Variants in COPG2 observed in about 807,000 individuals in gnomAD.
The protein encoded by COPG2 is coatomer subunit gamma-2.
COPG2 carries 37 observed loss-of-function variants against 46.3 expected under a neutral mutation model. The observed-to-expected ratio is 0.80, with a 90% CI of 0.61 to 1.05. The LOEUF is 1.05. COPG2 is among the 50% of genes least tolerant of loss of function. COPG2 has a pLI of 0.00. For missense variants in COPG2, 427 were observed against 387.8 expected (o/e 1.10, Z -0.85); for synonymous variants, 159 against 129.7 (o/e 1.23, Z -1.53).
chr7:130,568,514 A>T (rs1793842230), intron 9 of COPG2, among the ~76,000 whole-genome samples: 1 of 152,206 alleles, frequency 6.6e-6, no homozygotes, highest in Non-Finnish European at 1.5e-5. Context: ...AAATATCACA[A>T]TCCTAAATAT....
intron 9 of COPG2, among the ~76,000 whole-genome samples, chr7:130,573,631 T>C (rs908586881): frequency 1.3e-5 from 2 of 152,142 alleles, no homozygotes; most frequent in Admixed American, 1.3e-4. Flanking sequence ...GACAAAAATC[T>C]AACACACATT....
At chr7:130,516,795 T>C (rs1366040519) in intron 20 of COPG2, among the ~76,000 whole-genome samples, 8 of 152,086 alleles carry the variant, frequency 5.3e-5, no homozygotes, top group Non-Finnish European at 8.8e-5. Flanking sequence ...GGAAGCTTTG[T>C]TGGAAAAATG....
At chr7:130,660,638 A>G (rs782498426) in intron 4 of COPG2, among the ~76,000 whole-genome samples, 15 of 152,312 alleles carry the variant, frequency 9.8e-5, no homozygotes, top group Non-Finnish European at 1.8e-4. Flanking sequence ...AATCCCAGTA[A>G]TAAGTATTGG....
intron 11 of COPG2, among the ~76,000 whole-genome samples, chr7:130,562,732 T>C (rs1793738495): frequency 1.3e-5 from 2 of 152,222 alleles, no homozygotes; most frequent in African/African-American, 4.8e-5. Flanking sequence ...ATATTATATG[T>C]ATTATGATAA....
chr7:130,653,864 C>T (rs1314633826), intron 4 of COPG2, among the ~76,000 whole-genome samples: 11 of 151,906 alleles, frequency 7.2e-5, no homozygotes, highest in Non-Finnish European at 1.5e-4. Flanking sequence ...AAAACACACA[C>T]AGAAAGCCAG....
At chr7:130,562,323 C>T (rs1426668854) in intron 11 of COPG2, among the ~76,000 whole-genome samples, 2 of 152,198 alleles carry the variant, frequency 1.3e-5, no homozygotes, top group Non-Finnish European at 2.9e-5. Flanking sequence ...CGTGCCACTG[C>T]ACTCTAGCCT....
intron 5 of COPG2, among the ~76,000 whole-genome samples, chr7:130,622,019 A>G (rs953821387): frequency 9.2e-5 from 14 of 151,874 alleles, no homozygotes; most frequent in African/African-American, 3.1e-4. Flanking sequence ...ATAGCTTGTC[A>G]ACCCATGTTC....
chr7:130,663,099 T>C, intron 3 of COPG2, 61 bp from the exon 4 acceptor site: 2 of 817,808 alleles, frequency 2.4e-6, no homozygotes, highest in Non-Finnish European at 3.7e-6. Flanking sequence ...TATATGTACA[T>C]ATACACACAC....
At chr7:130,564,622 T>C (rs1183836364) in intron 9 of COPG2, 1 of 349,910 alleles carries the variant, frequency 2.9e-6, no homozygotes, top group Non-Finnish European at 5.1e-6. Context: ...TGAACATCTA[T>C]TTAAGAAAAG....
intron 10 of COPG2, among the ~76,000 whole-genome samples, chr7:130,563,568 C>G (rs1793751830): frequency 6.6e-6 from 1 of 151,194 alleles, no homozygotes; most frequent in African/African-American, 2.4e-5. Flanking sequence ...CATTTTATCA[C>G]AGCATCAAAA....
chr7:130,652,366 C>G (rs1423370148), intron 5 of COPG2, among the ~76,000 whole-genome samples: 8 of 152,196 alleles, frequency 5.3e-5, no homozygotes, highest in African/African-American at 1.9e-4. Context: ...TACACAAGTA[C>G]TGAATGCTGC....
Position 130,528,107 on chromosome 7 carries a change from G to C in COPG2, c.2150-19448C>G, listed in dbSNP as rs1000236361. Among the ~76,000 whole-genome samples the C allele has an allele frequency of 3.7e-3, 561 of 152,122 alleles. 7 individuals are homozygous for C. The highest frequency in any genetic ancestry group is 0.012 in the African/African-American group (507 of 41,496). ...AGGAGGAGGGTGGGACTGACAGGAG[G>C]ACCCAGGAGGAGCGGAGGAGCCGGG... On this transcript the variant is annotated intron_variant, in intron 20 of 23. Transcript: ENST00000425248.
Position 130,550,627 on chromosome 7 carries a change from C to G in COPG2, c.1671G>C (p.Gly557=), listed in dbSNP as rs1250272941. Residue 557 remains glycine, a synonymous_variant, in exon 17 of 24, where the codon GGG becomes GGC. Transcript: ENST00000425248. ...IFNGLTVSVP[G]MEKALHQYTL... The stretch of plus-strand genomic sequence containing the variant: ...TGTACTGGTGTAAGGCTTTTTCCAT[C>G]CCTGGTACAGAGACCGTCAAACCTG... 1.3e-5 allele frequency: 5 copies of G among 397,852 alleles called. No individual in the cohort carries two copies. The highest frequency in any genetic ancestry group is 8.2e-5 in the African/African-American group (4 of 48,530). 24.6% of individuals were successfully genotyped at this position (397,852 alleles called of 1,614,324 possible).
intron 20 of COPG2, among the ~76,000 whole-genome samples, chr7:130,538,814 G>T (rs2116368171): frequency 1.3e-5 from 2 of 152,228 alleles, no homozygotes; most frequent in East Asian, 3.9e-4. Context: ...GTTGTCAAGG[G>T]AGCCTGAGAG....
chr7:130,520,130 A>C (rs984573156), intron 20 of COPG2, among the ~76,000 whole-genome samples: 157 of 152,338 alleles, frequency 1.0e-3, no homozygotes, highest in Admixed American at 2.1e-3. Flanking sequence ...CATCCAGAGA[A>C]TAATTCAGCA....
chr7:130,632,633 T>G lies in COPG2; in HGVS notation c.324-15568A>C, dbSNP rs75623836. On this transcript the variant is annotated intron_variant, in intron 5 of 23. Coordinates refer to ENST00000425248, the MANE Select transcript of COPG2 (RefSeq NM_012133.6). ...GCCAGTGAGGCTGTTTATTTTTGTTTTCTTTTTTCTCTCTCTCTTTTCAGT... is the reference window on the plus strand; with the variant it reads ...GCCAGTGAGGCTGTTTATTTTTGTTGTCTTTTTTCTCTCTCTCTTTTCAGT... 6.2e-3 allele frequency among the ~76,000 whole-genome samples: 942 copies of G among 152,284 alleles called. 13 individuals carry two copies. Among genetic ancestry groups the G allele is most frequent in the African/African-American group, 0.021 (891 of 41,558 alleles).
intron 6 of COPG2, 48 bp downstream of exon 6, chr7:130,616,942 G>A: frequency 8.0e-7 from 1 of 1,244,486 alleles, no homozygotes; most frequent in Non-Finnish European, 1.2e-6. Flanking sequence ...GCCACCTGCA[G>A]ATAAACATAG....
chr7:130,563,774 G>GAAAAAAAAAAAAAAAAAAAAAAAA (rs1341758494), intron 10 of COPG2, among the ~76,000 whole-genome samples: 1 of 87,988 alleles, frequency 1.1e-5, no homozygotes, highest in African/African-American at 3.8e-5. Context: ...AAAAAAAAAA[G>GAAAAAAAAAAAAAAAAAAAAAAAA]AAAAAAAAAA....
chr7:130,658,695 T>C (rs1261737206), intron 4 of COPG2, among the ~76,000 whole-genome samples: 3 of 152,156 alleles, frequency 2.0e-5, no homozygotes, highest in Non-Finnish European at 2.9e-5. Flanking sequence ...ATTTTTTTTT[T>C]TTTGACACGG....
Sources: gnomAD v4.1 joint callset for allele counts (sites outside exome capture counted in the v4.1 genomes callset) on GRCh38, gnomAD v4.1.1 for gene constraint, MANE v1.5 for transcripts, NCBI Gene and HGNC (gene_info 2026-07-23, HGNC 2026-07-21) for gene names.